CLIC4: variants seen among roughly 807,000 people sequenced by gnomAD.
CLIC4 encodes the protein chloride intracellular channel protein 4.
A neutral mutation model predicts 24.6 loss-of-function variants in CLIC4; 13 were observed. The observed-to-expected ratio is 0.53, with a 90% CI of 0.34 to 0.84. CLIC4 has a LOEUF of 0.84. Ranked by LOEUF, CLIC4 falls within the 40% of genes least tolerant of loss-of-function variation. CLIC4 has a pLI of 0.01. For missense variants in CLIC4, 227 were observed against 301.7 expected (o/e 0.75, Z 1.83); for synonymous variants, 104 against 111.3 (o/e 0.93, Z 0.41).
In CLIC4 at chr1:24,826,990, A is replaced by G. The variant is rs531189541; in HGVS notation, c.309-20A>G. On this transcript the variant is annotated intron_variant, in intron 3 of 5. Transcript: ENST00000374379. Reference sequence around the variant, plus strand: ...TTCATCTTTGAAGGATCTATAATCCATATCACTTTTTCTATTTAGGTACTT... The same window carrying G: ...TTCATCTTTGAAGGATCTATAATCCGTATCACTTTTTCTATTTAGGTACTT... The G allele has an allele frequency of 5.9e-6, 9 of 1,523,376 alleles. No homozygotes were observed. Among genetic ancestry groups the G allele is most frequent in the South Asian group, 2.3e-5 (2 of 85,814 alleles). The allele number at this position is 1,523,376 out of a possible 1,614,324, so 94.4% of individuals were successfully genotyped here. A position where few individuals can be genotyped will look rare whatever the true frequency, so the allele number is the denominator to read the frequency against.
At chr1:24,835,559 T>C (rs1441015934) in intron 4 of CLIC4, among the ~76,000 whole-genome samples, 1 of 152,184 alleles carries the variant, frequency 6.6e-6, no homozygotes, top group Non-Finnish European at 1.5e-5. Context: ...TGTGAGAATC[T>C]GTCTATAAAT....
intron 2 of CLIC4, among the ~76,000 whole-genome samples, chr1:24,799,068 C>A (rs1225210140): frequency 6.6e-6 from 1 of 152,028 alleles, no homozygotes; most frequent in Non-Finnish European, 1.5e-5. Context: ...GGCCGCCACC[C>A]CATCTGGGAA....
chr1:24,768,485 T>G (rs1333805549), intron 1 of CLIC4, among the ~76,000 whole-genome samples: 1 of 152,090 alleles, frequency 6.6e-6, no homozygotes, highest in Non-Finnish European at 1.5e-5. Context: ...TGAGATAGTG[T>G]AGATCTACAG....
At chr1:24,826,248 T>C (rs1639786091) in intron 3 of CLIC4, among the ~76,000 whole-genome samples, 1 of 152,210 alleles carries the variant, frequency 6.6e-6, no homozygotes, top group South Asian at 2.1e-4. Context: ...TTTGTTGTTG[T>C]TCGGTGCTAC....
At chr1:24,748,478 C>T (rs1354897016) in intron 1 of CLIC4, among the ~76,000 whole-genome samples, 2 of 136,690 alleles carry the variant, frequency 1.5e-5, no homozygotes, top group Admixed American at 7.8e-5. Flanking sequence ...AAACTTTGCA[C>T]TGATACAGAT....
At chr1:24,773,815 C>G (rs905780547) in intron 1 of CLIC4, among the ~76,000 whole-genome samples, 1 of 151,872 alleles carries the variant, frequency 6.6e-6, no homozygotes, top group Non-Finnish European at 1.5e-5. Flanking sequence ...CCAGGCTGGT[C>G]TCAAAACTCC....
At chr1:24,809,874 G>A (rs1386735092) in intron 2 of CLIC4, among the ~76,000 whole-genome samples, 2 of 152,182 alleles carry the variant, frequency 1.3e-5, no homozygotes, top group South Asian at 2.1e-4. Context: ...ATAATAGGAG[G>A]CAGAAACATT....
chr1:24,748,160 C>T (rs1638728630), intron 1 of CLIC4, among the ~76,000 whole-genome samples: 1 of 152,048 alleles, frequency 6.6e-6, no homozygotes, highest in African/African-American at 2.4e-5. Flanking sequence ...TGATTAATGC[C>T]CTGCTTACTA....
intron 1 of CLIC4, among the ~76,000 whole-genome samples, chr1:24,784,076 C>T (rs897427306): frequency 7.3e-5 from 11 of 150,154 alleles, no homozygotes; most frequent in Admixed American, 1.3e-4. Flanking sequence ...AGTTTTTCCA[C>T]ATTCATTCTT....
intron 1 of CLIC4, among the ~76,000 whole-genome samples, chr1:24,749,312 G>C (rs1040593685): frequency 1.3e-5 from 2 of 152,082 alleles, no homozygotes; most frequent in African/African-American, 4.8e-5. Flanking sequence ...CTGCCAAGAG[G>C]TATCTGAGTT....
At chr1:24,827,158 C>T (rs1272853238) in intron 4 of CLIC4, 42 bp downstream of exon 4, 5 of 1,236,134 alleles carry the variant, frequency 4.0e-6, no homozygotes, top group Non-Finnish European at 4.7e-6. Context: ...ACAAAAAACC[C>T]CAAACAACAA....
At chr1:24,789,934 A>C (rs1199102687) in intron 1 of CLIC4, among the ~76,000 whole-genome samples, 1 of 152,210 alleles carries the variant, frequency 6.6e-6, no homozygotes, top group Non-Finnish European at 1.5e-5. Flanking sequence ...CCTTCTCTTT[A>C]AACTTCTGAC....
intron 2 of CLIC4, 98 bp downstream of exon 2, chr1:24,797,949 ATATTG>A (rs1639423287): frequency 3.7e-6 from 3 of 818,392 alleles, no homozygotes; most frequent in South Asian, 3.3e-5. Flanking sequence ...TAAAGGAAAT[ATATTG>A]TATTAAAGTT....
At chr1:24,817,309 A>C (rs1639681792) in intron 3 of CLIC4, among the ~76,000 whole-genome samples, 1 of 151,548 alleles carries the variant, frequency 6.6e-6, no homozygotes, top group Non-Finnish European at 1.5e-5. Context: ...TAGATAGATC[A>C]GCTAGATCTT....
chr1:24,800,403 G>T (rs1276684039), intron 2 of CLIC4, among the ~76,000 whole-genome samples: 1 of 148,474 alleles, frequency 6.7e-6, no homozygotes, highest in Non-Finnish European at 1.5e-5. Flanking sequence ...GGGGGGGTCA[G>T]CCCCCAGCCT....
chr1:24,778,102 GT>G (rs983907660), intron 1 of CLIC4: 2 of 152,204 alleles, frequency 1.3e-5, no homozygotes, highest in African/African-American at 4.8e-5. Flanking sequence ...TGAGATGGTG[GT>G]GGTTCTGTAA....
chr1:24,778,688 T>G (rs1210178413), intron 1 of CLIC4, among the ~76,000 whole-genome samples: 1 of 152,232 alleles, frequency 6.6e-6, no homozygotes, highest in Non-Finnish European at 1.5e-5. Flanking sequence ...TTATTAGTTA[T>G]TCTGAAGAGA....
At chr1:24,788,850 C>G (rs148800495) in intron 1 of CLIC4, among the ~76,000 whole-genome samples, 2 of 152,314 alleles carry the variant, frequency 1.3e-5, no homozygotes, top group African/African-American at 4.8e-5. Flanking sequence ...ATCCTGCTGC[C>G]TCTTGCCTGA....
intron 1 of CLIC4, among the ~76,000 whole-genome samples, chr1:24,748,340 G>T (rs1638730992): frequency 6.6e-6 from 1 of 151,892 alleles, no homozygotes; most frequent in African/African-American, 2.4e-5. Context: ...AGAGAATCAG[G>T]GTTCAAGTCA....
Sources: gnomAD v4.1 joint callset for allele counts (sites outside exome capture counted in the v4.1 genomes callset) on GRCh38, gnomAD v4.1.1 for gene constraint, MANE v1.5 for transcripts, NCBI Gene and HGNC (gene_info 2026-07-23, HGNC 2026-07-21) for gene names.